Variants in RAB37 observed in about 807,000 individuals in gnomAD.
The protein encoded by RAB37 is RAB37, member RAS oncogene family.
Under a neutral mutation model 33.1 loss-of-function variants are expected in RAB37, and 29 were observed. The ratio of observed to expected loss-of-function variants is 0.88; its 90% CI spans 0.65 to 1.20. RAB37 has a LOEUF of 1.20. Among genes scored for constraint, RAB37 ranks in the 50% most tolerant of loss-of-function variants. The pLI, the probability that RAB37 is intolerant of heterozygous loss-of-function variation, is 0.00. For missense variants in RAB37, 299 were observed against 301.1 expected (o/e 0.99, Z 0.05); for synonymous variants, 128 against 119.5 (o/e 1.07, Z -0.47).
intron 5 of RAB37, 23 bp downstream of exon 5, chr17:74,743,363 T>G: frequency 6.2e-7 from 1 of 1,612,404 alleles, no homozygotes; most frequent in Non-Finnish European, 8.5e-7. Context: ...TTCCCCTGAC[T>G]CCCACCCATA....
chr17:74,701,023 T>TA (rs1819960127), intron 1 of RAB37, among the ~76,000 whole-genome samples: 1 of 152,216 alleles, frequency 6.6e-6, no homozygotes, highest in Admixed American at 6.5e-5. Context: ...GATAGCCATC[T>TA]ACAAGCTGAG....
At chr17:74,672,066 T>G (rs1272823347) in intron 1 of RAB37, among the ~76,000 whole-genome samples, 1 of 152,160 alleles carries the variant, frequency 6.6e-6, no homozygotes, top group Non-Finnish European at 1.5e-5. Flanking sequence ...ATTAGATAAA[T>G]GGTCTGCAGC....
upstream of RAB37, among the ~76,000 whole-genome samples, chr17:74,735,144 G>GAGAA (rs961325755): frequency 7.1e-5 from 10 of 140,938 alleles, no homozygotes; most frequent in African/African-American, 2.6e-4. Flanking sequence ...GAGAGAGAGA[G>GAGAA]AGAAAGGAAA....
intron 1 of RAB37, chr17:74,694,952 A>G (rs2032284126): frequency 1.1e-6 from 1 of 924,362 alleles, no homozygotes; most frequent in Non-Finnish European, 1.6e-6. Flanking sequence ...CCCAAGCCCA[A>G]CCCAGAGCTA....
intron 2 of RAB37, among the ~76,000 whole-genome samples, chr17:74,731,861 T>C (rs2144035418): frequency 6.6e-6 from 1 of 151,530 alleles, no homozygotes; most frequent in South Asian, 2.1e-4. Flanking sequence ...TACAAAAACG[T>C]TTGCCAGGCG....
At chr17:74,704,079 C>T (rs1054999222) in intron 1 of RAB37, among the ~76,000 whole-genome samples, 1 of 152,150 alleles carries the variant, frequency 6.6e-6, no homozygotes, top group Non-Finnish European at 1.5e-5. Context: ...AGCTATGAAG[C>T]CCCAGCCCAG....
intron 1 of RAB37, among the ~76,000 whole-genome samples, chr17:74,728,860 G>A (rs1037976403): frequency 6.6e-6 from 1 of 151,416 alleles, no homozygotes; most frequent in Non-Finnish European, 1.5e-5. Context: ...ATGTTTCTGT[G>A]CCATGTGTGT....
At chr17:74,737,988 T>C (rs1248933990) in intron 1 of RAB37, among the ~76,000 whole-genome samples, 1 of 152,156 alleles carries the variant, frequency 6.6e-6, no homozygotes, top group South Asian at 2.1e-4. Context: ...GGTTGGTCTT[T>C]CGCATCCCGC....
chr17:74,705,285 G>T, intron 1 of RAB37: 1 of 699,222 alleles, frequency 1.4e-6, no homozygotes, highest in Non-Finnish European at 2.6e-6. Context: ...TGTCCTGGTG[G>T]TCCTAATGAT....
intron 1 of RAB37, among the ~76,000 whole-genome samples, chr17:74,700,240 T>C (rs2032922067): frequency 6.6e-6 from 1 of 152,098 alleles, no homozygotes; most frequent in Non-Finnish European, 1.5e-5. Flanking sequence ...TTTCAGCCCA[T>C]GAAAATGGCC....
chr17:74,732,527 G>GGT (rs1223602173), upstream of RAB37, among the ~76,000 whole-genome samples: 16 of 37,306 alleles, frequency 4.3e-4, no homozygotes, highest in South Asian at 8.0e-4. Flanking sequence ...TGTGATTTGA[G>GGT]GTGCGTGGTG....
chr17:74,708,414 C>A (rs1232387984), intron 1 of RAB37, among the ~76,000 whole-genome samples: 1 of 152,062 alleles, frequency 6.6e-6, no homozygotes, highest in African/African-American at 2.4e-5. Flanking sequence ...AATCCCAAAT[C>A]CATTTCACGA....
chr17:74,706,624 C>T (rs1052744598), intron 1 of RAB37, among the ~76,000 whole-genome samples: 2 of 151,998 alleles, frequency 1.3e-5, no homozygotes, highest in East Asian at 1.9e-4. Flanking sequence ...GCCAAGATGG[C>T]GCCATAGCAC....
chr17:74,714,523 A>G (rs2034134998), intron 1 of RAB37, among the ~76,000 whole-genome samples: 1 of 152,052 alleles, frequency 6.6e-6, no homozygotes, highest in South Asian at 2.1e-4. Context: ...GAGAACACGA[A>G]GGAAGCTCCT....
intron 1 of RAB37, chr17:74,702,918 TC>T: frequency 1.2e-6 from 1 of 829,576 alleles, no homozygotes; most frequent in Non-Finnish European, 2.0e-6. Context: ...TTCCTCATCC[TC>T]ACCAAGGAGC....
At chr17:74,736,990 G>C (rs1309997110), upstream of RAB37, 2 of 1,586,898 alleles carry the variant, frequency 1.3e-6, no homozygotes, top group Non-Finnish European at 1.7e-6. Flanking sequence ...GCGACCACAG[G>C]GGACCGGTCC....
chr17:74,711,281 G>T (rs2033943221), intron 1 of RAB37, among the ~76,000 whole-genome samples: 1 of 152,020 alleles, frequency 6.6e-6, no homozygotes, highest in Non-Finnish European at 1.5e-5. Context: ...GCCCACTTCA[G>T]ACAGAGGTCC....
In RAB37 at chr17:74,729,322, T is replaced by A. The variant is rs1234835149; in HGVS notation, c.139T>A (p.Phe47Ile). ...GCTGGTTCAGTTCGATCAGGGCAAG[T>A]TCATCCCCGGCTCCTTCTCGGCCAC... The change falls in exon 2 of 8, where the codon TTC becomes ATC. Residue 47 changes from phenylalanine (F) to isoleucine (I), a missense_variant. Transcript: ENST00000340415. This position sits in a 1 kb window ranked among gnomAD's most constrained non-coding sequence, Gnocchi z 4.2. 1.2e-6 allele frequency: 2 copies of A among 1,613,916 alleles called. No homozygotes were observed. Among genetic ancestry groups the A allele is most frequent in the African/African-American group, 2.7e-5 (2 of 74,856 alleles).
At chr17:74,709,416 C>CA (rs1281310661) in intron 1 of RAB37, among the ~76,000 whole-genome samples, 3 of 152,160 alleles carry the variant, frequency 2.0e-5, no homozygotes, top group African/African-American at 7.2e-5. Context: ...TCAAAAACCT[C>CA]AGCAAGCACC....
Sources: allele counts gnomAD v4.1 joint callset (sites outside exome capture counted in the v4.1 genomes callset), GRCh38; gene constraint gnomAD v4.1.1; non-coding constraint Gnocchi (gnomAD v3.1); transcripts MANE v1.5; gene names NCBI Gene and HGNC (gene_info 2026-07-23, HGNC 2026-07-21).